The following ITSN2 variants were observed in gnomAD, a reference collection of about 807,000 sequenced individuals.
The protein encoded by ITSN2 is intersectin-2.
A neutral mutation model predicts 243.7 loss-of-function variants in ITSN2; 156 were observed. The ratio of observed to expected loss-of-function variants is 0.64; its 90% CI spans 0.56 to 0.73. ITSN2 has a LOEUF of 0.73. Ranked by LOEUF, ITSN2 falls within the 30% of genes least tolerant of loss-of-function variation. The pLI is 0.00. For missense variants in ITSN2, 1,801 were observed against 1,996.1 expected (o/e 0.90, Z 1.86); for synonymous variants, 703 against 699.9 (o/e 1.00, Z -0.07).
intron 15 of ITSN2, among the ~76,000 whole-genome samples, chr2:24,289,895 CCGAT>C (rs1680020690): frequency 6.6e-6 from 1 of 152,156 alleles, no homozygotes; most frequent in African/African-American, 2.4e-5. Flanking sequence ...ATTAGACACC[CCGAT>C]CTTAGATGAA....
chr2:24,254,560 G>A lies in ITSN2; in HGVS notation c.2889-129C>T, dbSNP rs1242437198. 1.4e-5 allele frequency: 9 copies of A among 648,750 alleles called. No individual in the cohort carries two copies. In the East Asian group the frequency reaches 2.5e-4, roughly 18 times the overall value. 40.2% of individuals were successfully genotyped at this position (648,750 alleles called of 1,614,324 possible). On this transcript the variant is annotated intron_variant, in intron 23 of 39. Coordinates refer to ENST00000355123, the MANE Select transcript of ITSN2 (RefSeq NM_006277.3). ...CTTTCTCAAATTAAATATAGTCTTA[G>A]TACACAGAACTGGGAAGACTTATAC...
chr2:24,229,779 C>T (rs556034232), intron 29 of ITSN2, among the ~76,000 whole-genome samples: 4 of 152,306 alleles, frequency 2.6e-5, no homozygotes, highest in African/African-American at 7.2e-5. Context: ...CTTGACCTAT[C>T]GCTAACATCT....
At chr2:24,321,484 A>T (rs1238625936) in intron 2 of ITSN2, among the ~76,000 whole-genome samples, 1 of 152,234 alleles carries the variant, frequency 6.6e-6, no homozygotes, top group African/African-American at 2.4e-5. Context: ...GGATTAAAAA[A>T]TCTATAAATA....
At chr2:24,319,072 C>T (rs1033268721) in intron 2 of ITSN2, among the ~76,000 whole-genome samples, 1 of 152,206 alleles carries the variant, frequency 6.6e-6, no homozygotes, top group Non-Finnish European at 1.5e-5. Context: ...CACCACCCTA[C>T]CACAAATCTG....
chr2:24,204,832 G>A lies in ITSN2; in HGVS notation c.4762+382C>T. On this transcript the variant is annotated intron_variant, in intron 38 of 39. Transcript: ENST00000355123. This position sits in a 1 kb window ranked among gnomAD's most constrained non-coding sequence, Gnocchi z 5.1. ...GTTAGAAAGCATTCCTTTATTCAGTGTTCAGAAGAGTCATCAGTGGCTGGG... is the reference window on the plus strand; with the variant it reads ...GTTAGAAAGCATTCCTTTATTCAGTATTCAGAAGAGTCATCAGTGGCTGGG... The A allele has an allele frequency of 2.3e-6, 1 of 428,608 alleles. No homozygotes were observed. The highest frequency in any genetic ancestry group is 4.7e-6 in the Non-Finnish European group (1 of 211,304). The allele number at this position is 428,608 out of a possible 1,614,324, so 26.6% of individuals were successfully genotyped here. A position where few individuals can be genotyped will look rare whatever the true frequency, so the allele number is the denominator to read the frequency against.
chr2:24,236,650 T>C (rs1672182577), intron 29 of ITSN2, among the ~76,000 whole-genome samples: 1 of 147,682 alleles, frequency 6.8e-6, no homozygotes, highest in African/African-American at 2.5e-5. Flanking sequence ...GTGCAATCTC[T>C]GATTTTTCCT....
chr2:24,238,456 C>T (rs898616293), intron 29 of ITSN2, among the ~76,000 whole-genome samples: 2 of 152,288 alleles, frequency 1.3e-5, no homozygotes, highest in South Asian at 2.1e-4. Flanking sequence ...AGGGCTTATA[C>T]GACCACCAAC....
At position 24,328,050 on chromosome 2, in the gene ITSN2, A is replaced by AC; in HGVS notation, c.31+1dup. 6.2e-7 allele frequency: 1 copy of AC among 1,613,280 alleles called. No homozygotes were observed. The highest frequency in any genetic ancestry group is 8.5e-7 in the Non-Finnish European group (1 of 1,179,588). The stretch of plus-strand genomic sequence containing the variant: ...TCTTGCCACAAGCACAAAGCTGCTT[A>AC]CCATTCATAGCTGTGGGAAACTGAG... On this transcript the variant is annotated splice_donor_variant, in intron 2 of 39. Coordinates refer to ENST00000355123, the MANE Select transcript of ITSN2 (RefSeq NM_006277.3). LOFTEE classifies it high-confidence loss of function.
chr2:24,289,211 A>G (rs1159696758), intron 15 of ITSN2, among the ~76,000 whole-genome samples: 2 of 152,360 alleles, frequency 1.3e-5, no homozygotes, highest in African/African-American at 2.4e-5. Context: ...GGTAGTACAG[A>G]TAATTTTTAA....
At position 24,275,813 on chromosome 2, in the gene ITSN2, G is replaced by A; in HGVS notation, c.1981C>T (p.Leu661Phe). Residue 661 changes from leucine to phenylalanine, a missense_variant, in exon 18 of 40, where the codon CTT (leucine) becomes TTT (phenylalanine). By Grantham distance (22) the Leu-to-Phe change is conservative. Transcript: ENST00000355123. ...CGTTTGATCTTATAAAGCTGTTCAA[G>A]GGCTAACTGCTGTGTGTTGTAGGTT... ...RETYNTQQLA[L>F]EQLYKIKRDK... The A allele has an allele frequency of 1.2e-6, 2 of 1,612,320 alleles. No homozygotes were observed. Among genetic ancestry groups the A allele is most frequent in the Non-Finnish European group, 8.5e-7 (1 of 1,178,900 alleles).
In ITSN2 at chr2:24,333,383, GA is replaced by G. The variant is rs1337088128; in HGVS notation, c.-33-5269del. Among the ~76,000 whole-genome samples the G allele has an allele frequency of 2.6e-5, 4 of 152,300 alleles. No individual in the cohort carries two copies. The East Asian group carries it at 7.7e-4, about 29-fold the overall frequency. On this transcript the variant is annotated intron_variant, in intron 1 of 39. Coordinates refer to ENST00000355123, the MANE Select transcript of ITSN2 (RefSeq NM_006277.3). ...TCTTGGTATAACTCTCTGAAAGGAA[GA>G]AAAGGGTAACCAGCATCTCCCCAGG... is the stretch of plus-strand genomic sequence containing the variant.
chr2:24,208,255 GC>G lies in ITSN2; in HGVS notation c.4659del (p.Lys1553AsnfsTer19), dbSNP rs1669112742. 6.2e-7 allele frequency: 1 copy of G among 1,612,308 alleles called. No individual in the cohort carries two copies. The highest frequency in any genetic ancestry group is 8.5e-7 in the Non-Finnish European group (1 of 1,179,820). ...SEQYIDTEKK[K>X]REKAYQARSQ... Reference sequence around the variant, plus strand: ...CTGATACCTTGGTAAGCTTTCTCACGCTTCTTCTTCTCGGTGTCGATGTACT... The same window carrying G: ...CTGATACCTTGGTAAGCTTTCTCACGTTCTTCTTCTCGGTGTCGATGTACT... On this transcript the variant is annotated frameshift_variant, in exon 37 of 40. Coordinates refer to ENST00000355123, the MANE Select transcript of ITSN2 (RefSeq NM_006277.3). LOFTEE classifies it high-confidence loss of function.
intron 1 of ITSN2, among the ~76,000 whole-genome samples, chr2:24,341,164 A>C (rs1326352770): frequency 2.0e-5 from 3 of 152,226 alleles, no homozygotes; most frequent in Non-Finnish European, 4.4e-5. Context: ...AGAAGCTCTA[A>C]GAAAGTAGGA....
intron 20 of ITSN2, among the ~76,000 whole-genome samples, chr2:24,265,622 T>C (rs560835528): frequency 6.6e-6 from 1 of 152,216 alleles, no homozygotes; most frequent in Non-Finnish European, 1.5e-5. Context: ...ATTTTTCTCC[T>C]AGCAGATGTT....
intron 20 of ITSN2, among the ~76,000 whole-genome samples, chr2:24,268,255 C>T (rs1217582827): frequency 6.6e-6 from 1 of 152,200 alleles, no homozygotes; most frequent in Non-Finnish European, 1.5e-5. Context: ...ACACCCTCAT[C>T]CATTAAGTTG....
At chr2:24,328,228 A>G in intron 1 of ITSN2, 113 bp from the exon 2 acceptor site, 1 of 686,916 alleles carries the variant, frequency 1.5e-6, no homozygotes, top group Non-Finnish European at 2.5e-6. Flanking sequence ...TTCCAACAGA[A>G]AACAATGCAG....
intron 7 of ITSN2, 138 bp downstream of exon 7, chr2:24,310,146 A>G (rs1367578459): frequency 5.5e-6 from 3 of 546,766 alleles, no homozygotes; most frequent in Non-Finnish European, 9.8e-6. Flanking sequence ...AGTTGTAAGT[A>G]GTAAATTTAC....
intron 35 of ITSN2, among the ~76,000 whole-genome samples, chr2:24,209,570 C>T (rs1669269229): frequency 2.0e-5 from 3 of 152,138 alleles, no homozygotes; most frequent in Non-Finnish European, 4.4e-5. Flanking sequence ...CAGTGGTGAG[C>T]CCAGGTGTCA....
intron 30 of ITSN2, among the ~76,000 whole-genome samples, chr2:24,218,462 C>G (rs1034900239): frequency 1.8e-4 from 27 of 152,322 alleles, no homozygotes; most frequent in African/African-American, 6.3e-4. Flanking sequence ...TAAGATAACT[C>G]TAAGCAGATG....
Sources: gnomAD v4.1 joint callset for allele counts (sites outside exome capture counted in the v4.1 genomes callset) on GRCh38, gnomAD v4.1.1 for gene constraint, Gnocchi (gnomAD v3.1) non-coding constraint, MANE v1.5 for transcripts, NCBI Gene and HGNC (gene_info 2026-07-23, HGNC 2026-07-21) for gene names.